Variants in DLC1 observed in about 807,000 individuals in gnomAD.
The protein encoded by DLC1 is DLC1 Rho GTPase activating protein.
Under a neutral mutation model 140.3 loss-of-function variants are expected in DLC1, and 54 were observed. That is an observed-to-expected ratio of 0.38 (90% CI 0.31 to 0.48). The LOEUF (loss-of-function observed/expected upper bound fraction) is 0.48, where lower values mean the gene tolerates loss of function less well. Among genes scored for constraint, DLC1 ranks in the 20% least tolerant of loss-of-function variants. The pLI is 0.96. For missense variants in DLC1, 2,536 were observed against 1,907.0 expected, an observed-to-expected ratio of 1.33 and a Z score of -6.14; for synonymous variants, 986 against 728.1, an observed-to-expected ratio of 1.35 and a Z score of -5.70.
chr8:13,529,130 T>C (rs1803014943), intron 1 of DLC1, among the ~76,000 whole-genome samples: 1 of 152,174 alleles, frequency 6.6e-6, no homozygotes, highest in Non-Finnish European at 1.5e-5. Flanking sequence ...AGAGGAAATG[T>C]TTTTCTTAAA....
rs563669273 is a variant in DLC1 at position 13,461,222 on chromosome 8, A to T, written c.1023+37827T>A. Reference sequence around the variant, plus strand: ...AAGAGCCTGTCTCAACAGCAATGACAGCAAAATATGTGTAGGAATAACATG... The same window carrying T: ...AAGAGCCTGTCTCAACAGCAATGACTGCAAAATATGTGTAGGAATAACATG... On this transcript the variant is annotated intron_variant, in intron 2 of 17. Coordinates refer to ENST00000276297, the MANE Select transcript of DLC1 (RefSeq NM_182643.3). 1.3e-3 allele frequency among the ~76,000 whole-genome samples: 196 copies of T among 152,370 alleles called. 1 individual carries two copies. Among genetic ancestry groups the T allele is most frequent in the Non-Finnish European group, 2.1e-3 (144 of 68,036 alleles).
rs1801658515 is a variant in DLC1 at position 13,499,262 on chromosome 8, T to C, written c.810A>G (p.Leu270=). Residue 270 remains leucine, a synonymous_variant, in exon 2 of 18, where the codon TTA becomes TTG. Transcript: ENST00000276297. ...GAAGGCAGCTTCCAAAATCTGTTTTTAATAATGGCAGTCCTCTGTTTGTGC... is the reference window on the plus strand; with the variant it reads ...GAAGGCAGCTTCCAAAATCTGTTTTCAATAATGGCAGTCCTCTGTTTGTGC... The part of the protein sequence containing the change: ...TPCTNRGLPL[L]KTDFGSCLLQ... The C allele has an allele frequency of 6.2e-7, 1 of 1,614,184 alleles. No individual in the cohort carries two copies. Among genetic ancestry groups the C allele is most frequent in the East Asian group, 2.2e-5 (1 of 44,878 alleles).
chr8:13,530,374 G>A (rs1310662267), intron 1 of DLC1, among the ~76,000 whole-genome samples: 1 of 152,160 alleles, frequency 6.6e-6, no homozygotes, highest in Non-Finnish European at 1.5e-5. Flanking sequence ...TCCTTGAAAT[G>A]CAAACCACAA....
chr8:13,391,161 G>A (rs1364837977), intron 4 of DLC1, among the ~76,000 whole-genome samples: 1 of 149,720 alleles, frequency 6.7e-6, no homozygotes, highest in Non-Finnish European at 1.5e-5. Flanking sequence ...TCCAGTAGCT[G>A]GACAGAGCTG....
rs1554478020 is a variant in DLC1 at position 13,237,197 on chromosome 8, A to ATATATGTG, written c.1348+68071_1348+68072insCACATATA. Among the ~76,000 whole-genome samples, 63 of 138,210 alleles carry ATATATGTG rather than the reference A, an allele frequency of 4.6e-4. No individual in the cohort carries two copies. The East Asian group carries it at 9.4e-3, about 21-fold the overall frequency. The allele number at this position is 138,210 out of a possible 152,430, so 90.7% of individuals were successfully genotyped here. On this transcript the variant is annotated intron_variant, in intron 5 of 17. Transcript: ENST00000276297. ...GGAGGATGTGTGTATATATATATATATGTGTGTGTGTGTGTGTGTGTGTGT... is the reference window on the plus strand; with the variant it reads ...GGAGGATGTGTGTATATATATATATATATATGTGTGTGTGTGTGTGTGTGTGTGTGTGT...
intron 5 of DLC1, among the ~76,000 whole-genome samples, chr8:13,206,456 A>G (rs2117089217): frequency 6.6e-6 from 1 of 152,264 alleles, no homozygotes; most frequent in African/African-American, 2.4e-5. Context: ...GTGATGGAAT[A>G]TGAACGATTA....
At chr8:13,603,893 G>A (rs1208197542) in intron 1 of DLC1, among the ~76,000 whole-genome samples, 3 of 152,038 alleles carry the variant, frequency 2.0e-5, no homozygotes, top group African/African-American at 4.8e-5. Flanking sequence ...GAGAATATAA[G>A]CTTGGTAATA....
At chr8:13,580,503 A>C (rs1444353692) in intron 1 of DLC1, among the ~76,000 whole-genome samples, 2 of 151,376 alleles carry the variant, frequency 1.3e-5, no homozygotes, top group East Asian at 3.9e-4. Context: ...ACAGACAGTT[A>C]GCAGGCAAAG....
rs2289555 is a variant in DLC1 at position 13,092,846 on chromosome 8, C to G, written c.3527-21G>C. The G allele has an allele frequency of 3.8e-3, 6,148 of 1,603,144 alleles. 127 individuals are homozygous for G. In the East Asian group the frequency reaches 0.047, roughly 12 times the overall value. On this transcript the variant is annotated intron_variant, in intron 12 of 17. Coordinates refer to ENST00000276297, the MANE Select transcript of DLC1 (RefSeq NM_182643.3). The stretch of plus-strand genomic sequence containing the variant: ...CACATCTGCACGACACCAGCACTTT[C>G]TCCATCAGCTTGGTGAATTTGCATG...
chr8:13,516,435 G>T (rs1340831682), upstream of DLC1, among the ~76,000 whole-genome samples: 2 of 152,056 alleles, frequency 1.3e-5, no homozygotes, highest in Non-Finnish European at 2.9e-5. Flanking sequence ...TGATAATATT[G>T]GGTAGGTGAT....
intron 5 of DLC1, among the ~76,000 whole-genome samples, chr8:13,147,195 T>A (rs1563685075): frequency 6.6e-6 from 1 of 152,214 alleles, no homozygotes; most frequent in Non-Finnish European, 1.5e-5. Flanking sequence ...ACCTAGTTTC[T>A]AAGTAAGACT....
intron 1 of DLC1, among the ~76,000 whole-genome samples, chr8:13,522,785 A>T (rs1802804255): frequency 6.6e-6 from 1 of 152,158 alleles, no homozygotes; most frequent in Non-Finnish European, 1.5e-5. Context: ...CATGTTATAT[A>T]ATTAAATAAG....
At chr8:13,591,910 T>C (rs34578190) in intron 1 of DLC1, among the ~76,000 whole-genome samples, 20,525 of 152,120 alleles carry the variant, frequency 0.13, 1,666 homozygotes, top group Middle Eastern at 0.24. Context: ...TATGGTTTTT[T>C]TGACCTTGTC....
In DLC1 at chr8:13,328,122, T is replaced by C. The variant is rs116023923; in HGVS notation, c.1315-22820A>G. On this transcript the variant is annotated intron_variant, in intron 4 of 17. Coordinates refer to ENST00000276297, the MANE Select transcript of DLC1 (RefSeq NM_182643.3). ...GGTCACTAGATCATGCAAGCCCTTGTAGTTGATGCTAATAAGCACTGAGCA... is the reference window on the plus strand; with the variant it reads ...GGTCACTAGATCATGCAAGCCCTTGCAGTTGATGCTAATAAGCACTGAGCA... Among the ~76,000 whole-genome samples the C allele has an allele frequency of 4.6e-3, 696 of 152,278 alleles. 3 individuals are homozygous for C. Among genetic ancestry groups the C allele is most frequent in the African/African-American group, 0.016 (671 of 41,572 alleles).
At chr8:13,136,476 C>T (rs1822566016) in intron 5 of DLC1, among the ~76,000 whole-genome samples, 2 of 152,172 alleles carry the variant, frequency 1.3e-5, no homozygotes, top group African/African-American at 4.8e-5. Flanking sequence ...AACATAATGG[C>T]CTCCAGCTGC....
chr8:13,164,296 C>G (rs1445358758), intron 5 of DLC1, among the ~76,000 whole-genome samples: 1 of 147,804 alleles, frequency 6.8e-6, no homozygotes, highest in African/African-American at 2.5e-5. Context: ...AGACTTCTCT[C>G]AAAAAAAAAA....
chr8:13,263,209 G>A (rs950459699), intron 5 of DLC1, among the ~76,000 whole-genome samples: 1 of 152,034 alleles, frequency 6.6e-6, no homozygotes, highest in Non-Finnish European at 1.5e-5. Context: ...GAGTTTTTTG[G>A]GAGGGAGGAA....
At chr8:13,465,130 G>T (rs1357722025) in intron 2 of DLC1, among the ~76,000 whole-genome samples, 1 of 152,054 alleles carries the variant, frequency 6.6e-6, no homozygotes, top group Non-Finnish European at 1.5e-5. Flanking sequence ...ATGCTACAAA[G>T]TATTTGTCCA....
intron 4 of DLC1, among the ~76,000 whole-genome samples, chr8:13,381,376 G>A (rs1418857802): frequency 6.6e-6 from 1 of 152,196 alleles, no homozygotes; most frequent in African/African-American, 2.4e-5. Flanking sequence ...GATCACAGGT[G>A]TGGTAGCTAA....
Sources: gnomAD v4.1 joint callset for allele counts (sites outside exome capture counted in the v4.1 genomes callset) on GRCh38, gnomAD v4.1.1 for gene constraint, MANE v1.5 for transcripts, NCBI Gene and HGNC (gene_info 2026-07-23, HGNC 2026-07-21) for gene names.